SYT13: variants seen among roughly 807,000 people sequenced by gnomAD.
The protein encoded by SYT13 is synaptotagmin-13.
In SYT13, 21 loss-of-function variants were observed where a neutral mutation model predicts 38.6. The observed-to-expected ratio is 0.54, with a 90% CI of 0.39 to 0.78. The LOEUF (loss-of-function observed/expected upper bound fraction) is 0.78. Ranked by LOEUF, SYT13 falls within the 30% of genes least tolerant of loss-of-function variation. The pLI is 0.00. For missense variants in SYT13, 495 were observed against 548.7 expected, an observed-to-expected ratio of 0.90 and a Z score of 0.98; for synonymous variants, 241 against 237.6, an observed-to-expected ratio of 1.01 and a Z score of -0.13.
At chr11:45,276,651 T>C (rs1855013860) in intron 1 of SYT13, among the ~76,000 whole-genome samples, 2 of 151,542 alleles carry the variant, frequency 1.3e-5, no homozygotes, top group South Asian at 4.2e-4. Context: ...TTTTTTTAGA[T>C]ATTAAAAGCT....
intron 1 of SYT13, among the ~76,000 whole-genome samples, chr11:45,270,275 T>C (rs557015470): frequency 6.6e-6 from 1 of 152,386 alleles, no homozygotes; most frequent in Admixed American, 6.5e-5. Context: ...AATTGTTTAA[T>C]ATTGGTTCAT....
chr11:45,277,882 C>T (rs1855028274), intron 1 of SYT13, among the ~76,000 whole-genome samples: 1 of 152,220 alleles, frequency 6.6e-6, no homozygotes, highest in Non-Finnish European at 1.5e-5. Context: ...CCCTCTTCTT[C>T]TATAAACTCT....
rs1855135872 is a variant in SYT13 at position 45,286,285 on chromosome 11, C to G, written c.-78G>C. ...GCCGGGCCCGCCTCCAGGCAGCTCC[C>G]GGGATCCGGGCGAGCCAGCAGCTCT... On this transcript the variant is annotated 5_prime_UTR_variant, in exon 1 of 6. Coordinates refer to ENST00000020926, the MANE Select transcript of SYT13 (RefSeq NM_020826.3). 2.8e-6 allele frequency: 4 copies of G among 1,428,666 alleles called. No homozygotes were observed. The Admixed American group carries it at 7.8e-5, about 28-fold the overall frequency. 88.5% of individuals were successfully genotyped at this position (1,428,666 alleles called of 1,614,324 possible). A position where few individuals can be genotyped will look rare whatever the true frequency, so the allele number is the denominator to read the frequency against.
chr11:45,253,598 T>C (rs1450498134), intron 3 of SYT13, among the ~76,000 whole-genome samples: 4 of 152,228 alleles, frequency 2.6e-5, no homozygotes, highest in Admixed American at 1.3e-4. Context: ...TTAGCTTTAG[T>C]TGCTGACCTT....
intron 4 of SYT13, among the ~76,000 whole-genome samples, chr11:45,250,562 C>G (rs180913942): frequency 1.3e-3 from 198 of 152,302 alleles, no homozygotes; most frequent in African/African-American, 4.6e-3. Context: ...CGAGAGAAAG[C>G]TAGTTTACTA....
rs745485588 is a variant in SYT13 at position 45,252,467 on chromosome 11, A to G, written c.800T>C (p.Val267Ala). ...ELRLGLDGTS[V>A]PLGAAQWGEL... ...GCCCCACTGGGCAGCCCCTAGAGGC[A>G]CAGATGTCCCGTCCAGGCCCAGGCG... is the stretch of plus-strand genomic sequence containing the variant. Residue 267 changes from valine to alanine, a missense_variant, in exon 4 of 6, where the codon GTG becomes GCG. Transcript: ENST00000020926. This position sits in a 1 kb window ranked among gnomAD's most constrained non-coding sequence, Gnocchi z 4.3. The G allele has an allele frequency of 1.2e-6, 2 of 1,611,186 alleles. No homozygotes were observed. Among genetic ancestry groups the G allele is most frequent in the Non-Finnish European group, 1.7e-6 (2 of 1,178,522 alleles).
rs1309376085 is a variant in SYT13, at chr11:45,286,215, G to T, written c.-8C>A. 6 of 1,538,916 alleles carry T rather than the reference G, an allele frequency of 3.9e-6. No individual in the cohort carries two copies. On this transcript the variant is annotated 5_prime_UTR_variant, in exon 1 of 6. Coordinates refer to ENST00000020926, the MANE Select transcript of SYT13 (RefSeq NM_020826.3). ...AGGCACCGACAGCACCATGGTGCCC[G>T]CTCCCGGCGAGGGGCTGGGTCCCGC...
Position 45,244,153 on chromosome 11 carries a change from T to C in SYT13, c.1180A>G (p.Ser394Gly). ...SGQSCALGHC[S>G]LGLHTSGSER... is the part of the protein sequence containing the mutation. ...GAGCCCGAGGTGTGCAGGCCCAGGC[T>C]GCAGTGGCCAAGCGCACAGCTCTGC... Residue 394 changes from serine to glycine, a missense_variant, in exon 6 of 6, where the codon AGC (serine) becomes GGC (glycine). Transcript: ENST00000020926. The C allele has an allele frequency of 6.2e-7, 1 of 1,613,930 alleles. No homozygotes were observed. The highest frequency in any genetic ancestry group is 8.5e-7 in the Non-Finnish European group (1 of 1,180,032).
At position 45,252,636 on chromosome 11, in the gene SYT13, C is replaced by T. The variant is rs769726033; in HGVS notation, c.631G>A (p.Ala211Thr). The T allele has an allele frequency of 2.0e-4, 326 of 1,613,894 alleles. 2 individuals carry two copies. In the East Asian group the frequency reaches 2.9e-3, roughly 14 times the overall value. Residue 211 changes from alanine to threonine, a missense_variant, in exon 4 of 6, where the codon GCC (alanine) becomes ACC (threonine). Physicochemically the swap from Ala to Thr is moderately conservative, Grantham distance 58. Transcript: ENST00000020926. This position sits in a 1 kb window ranked among gnomAD's most constrained non-coding sequence, Gnocchi z 4.3. ...NRTGSVEAQT[A>T]LKKRQLHTTW... ...GTGTGCAGCTGCCGCTTCTTTAGGG[C>T]TGTCTGAGCCTCCACAGAGCCGGTC...
chr11:45,268,220 A>G (rs1459087147), intron 1 of SYT13, among the ~76,000 whole-genome samples: 2 of 152,050 alleles, frequency 1.3e-5, no homozygotes, highest in African/African-American at 2.4e-5. Context: ...CAATGATTAA[A>G]CCTCTCAACA....
chr11:45,273,296 G>C (rs1590528425), intron 1 of SYT13, among the ~76,000 whole-genome samples: 1 of 152,312 alleles, frequency 6.6e-6, no homozygotes, highest in Non-Finnish European at 1.5e-5. Context: ...TTTCAGCTGA[G>C]GATGTAGCCA....
intron 1 of SYT13, among the ~76,000 whole-genome samples, chr11:45,267,686 C>T (rs888904605): frequency 6.6e-6 from 1 of 152,162 alleles, no homozygotes; most frequent in East Asian, 1.9e-4. Flanking sequence ...TCCTAGGAAG[C>T]TGCCAGCACC....
chr11:45,241,290 AATATATATGG>A lies in SYT13; in HGVS notation c.*2752_*2761del, dbSNP rs1386608645. 1 of 152,148 alleles carries A rather than the reference AATATATATGG, an allele frequency of 6.6e-6. No individual in the cohort carries two copies. The highest frequency in any genetic ancestry group is 2.4e-5 in the African/African-American group (1 of 41,432). 9.4% of individuals were successfully genotyped at this position (152,148 alleles called of 1,614,324 possible). On this transcript the variant is annotated 3_prime_UTR_variant, in exon 6 of 6. Transcript: ENST00000020926. ...TTAATTCACTCAACAAATATATATG[AATATATATGG>A]AGCACCCATGAGACAGCTTTATCCC... is the stretch of plus-strand genomic sequence containing the variant.
At chr11:45,250,515 C>G (rs944330584) in intron 4 of SYT13, among the ~76,000 whole-genome samples, 2 of 152,168 alleles carry the variant, frequency 1.3e-5, no homozygotes, top group African/African-American at 2.4e-5. Flanking sequence ...TGGGGCTGTA[C>G]CAAGTCTCAG....
Position 45,255,650 on chromosome 11 carries a change from G to T in SYT13, c.409+16C>A, listed in dbSNP as rs926721088. The T allele has an allele frequency of 2.5e-6, 4 of 1,610,832 alleles. No individual in the cohort carries two copies. In the African/African-American group the frequency reaches 5.3e-5, roughly 22 times the overall value. ...GAGTGCTGCCCATGGAAGTGCAGGG[G>T]GCAGGAGACCCCTACCATTCTGAGG... On this transcript the variant is annotated intron_variant, in intron 2 of 5. Transcript: ENST00000020926.
intron 2 of SYT13, among the ~76,000 whole-genome samples, chr11:45,255,362 C>A (rs577485167): frequency 6.6e-6 from 1 of 152,264 alleles, no homozygotes; most frequent in South Asian, 2.1e-4. Flanking sequence ...CAAATTAAAC[C>A]CTTGACTCTG....
chr11:45,282,675 G>A (rs1222161343), intron 1 of SYT13, among the ~76,000 whole-genome samples: 1 of 152,214 alleles, frequency 6.6e-6, no homozygotes, highest in African/African-American at 2.4e-5. Context: ...TTCCCTTGGG[G>A]ACAAAGTCAC....
At chr11:45,269,361 C>A in intron 1 of SYT13, 7 of 907,462 alleles carry the variant, frequency 7.7e-6, no homozygotes, top group Middle Eastern at 2.8e-4. Context: ...AACAAACAAA[C>A]AAAAAACTCC....
chr11:45,250,971 T>C (rs1306663361), intron 4 of SYT13, among the ~76,000 whole-genome samples: 3 of 152,126 alleles, frequency 2.0e-5, no homozygotes, highest in African/African-American at 4.8e-5. Flanking sequence ...ATTCCTGAAC[T>C]GCTATGACCC....
Sources: gnomAD v4.1 joint callset for allele counts (sites outside exome capture counted in the v4.1 genomes callset) on GRCh38, gnomAD v4.1.1 for gene constraint, Gnocchi (gnomAD v3.1) non-coding constraint, MANE v1.5 for transcripts, NCBI Gene and HGNC (gene_info 2026-07-23, HGNC 2026-07-21) for gene names.